The following INPP4B variants were observed in gnomAD, a reference collection of about 807,000 sequenced individuals.
INPP4B encodes inositol polyphosphate 4-phosphatase type II.
A neutral mutation model predicts 122.5 loss-of-function variants in INPP4B; 55 were observed. The observed-to-expected ratio is 0.45, with a 90% CI of 0.36 to 0.56. The LOEUF is 0.56. Among genes scored for constraint, INPP4B ranks in the 20% least tolerant of loss-of-function variants. INPP4B has a pLI of 0.00. For missense variants in INPP4B, 1,000 were observed against 1,097.7 expected (o/e 0.91, Z 1.26); for synonymous variants, 403 against 388.7 (o/e 1.04, Z -0.43).
At chr4:142,111,375 T>C (rs533669139) in intron 22 of INPP4B, among the ~76,000 whole-genome samples, 17 of 152,234 alleles carry the variant, frequency 1.1e-4, no homozygotes, top group Non-Finnish European at 2.4e-4. Context: ...AGACGGAGTT[T>C]TGCTCGTATC....
chr4:142,251,558 G>A (rs1445584838), intron 11 of INPP4B, among the ~76,000 whole-genome samples: 2 of 152,006 alleles, frequency 1.3e-5, no homozygotes, highest in African/African-American at 4.8e-5. Context: ...CCTTCAAAAC[G>A]CTATTTAGTA....
At chr4:142,124,804 G>A (rs757303486) in intron 18 of INPP4B, 44 bp from the exon 19 acceptor site, 1 of 1,366,568 alleles carries the variant, frequency 7.3e-7, no homozygotes, top group Non-Finnish European at 9.7e-7. Context: ...ATGAAGGAAG[G>A]TCTTGGAATA....
intron 24 of INPP4B, among the ~76,000 whole-genome samples, chr4:142,083,421 T>A (rs1448462989): frequency 1.3e-5 from 2 of 152,304 alleles, no homozygotes; most frequent in East Asian, 3.9e-4. Flanking sequence ...AGGGGAATCA[T>A]TCCATTCCTT....
chr4:142,055,374 A>G (rs982880801), intron 25 of INPP4B, among the ~76,000 whole-genome samples: 1 of 152,080 alleles, frequency 6.6e-6, no homozygotes, highest in Admixed American at 6.6e-5. Flanking sequence ...ATGGACTTCA[A>G]ACTTACGCAG....
At chr4:142,262,162 G>A (rs755592002) in intron 10 of INPP4B, among the ~76,000 whole-genome samples, 2 of 151,850 alleles carry the variant, frequency 1.3e-5, no homozygotes, top group Admixed American at 6.6e-5. Context: ...TTTCATCAAC[G>A]TTATATTCAT....
rs1484802683 is a variant in INPP4B, at chr4:142,145,988, C to T, written c.1572G>A (p.Val524=). 1 of 1,611,514 alleles carries T rather than the reference C, an allele frequency of 6.2e-7. No individual in the cohort carries two copies. The highest frequency in any genetic ancestry group is 2.2e-5 in the East Asian group (1 of 44,854). Residue 524 remains valine (V), a synonymous_variant, in exon 18 of 26, where the codon GTG becomes GTA. Coordinates refer to ENST00000262992, the MANE Select transcript of INPP4B (RefSeq NM_001101669.3). ...TCAGGCTCTTCCCCACATTGGCCCA[C>T]ACCCTGTCCTGAAAAAAGCATGAGT... ...SDYDEEEWDR[V]WANVGKSLNC... is the part of the protein sequence containing the mutation.
rs1318458423 is a variant in INPP4B, at chr4:142,030,440, A to T, written c.2643-1526T>A. The T allele has an allele frequency of 2.7e-5, 19 of 716,792 alleles. No individual in the cohort carries two copies. The South Asian group carries it at 3.8e-4, about 14-fold the overall frequency. The allele number at this position is 716,792 out of a possible 1,614,324, so 44.4% of individuals were successfully genotyped here. On this transcript the variant is annotated intron_variant, in intron 25 of 25. Transcript: ENST00000262992. Reference sequence around the variant, plus strand: ...ACTCTTTCAGATGAAATCTTATGGTAAATTTCCCCAAATGCATCTTGTGTA... The same window carrying T: ...ACTCTTTCAGATGAAATCTTATGGTTAATTTCCCCAAATGCATCTTGTGTA...
intron 7 of INPP4B, among the ~76,000 whole-genome samples, chr4:142,323,941 A>T (rs187348531): frequency 3.9e-5 from 6 of 152,186 alleles, no homozygotes; most frequent in African/African-American, 1.4e-4. Context: ...TCATTGGCTG[A>T]AATGTGTTTC....
chr4:142,575,693 T>C (rs1215257615), intron 2 of INPP4B, among the ~76,000 whole-genome samples: 2 of 152,070 alleles, frequency 1.3e-5, no homozygotes, highest in Non-Finnish European at 2.9e-5. Flanking sequence ...TAAATATTAC[T>C]ATTATTGGCT....
chr4:142,068,570 C>T (rs941024072), intron 25 of INPP4B, among the ~76,000 whole-genome samples: 19 of 152,240 alleles, frequency 1.2e-4, no homozygotes, highest in African/African-American at 3.9e-4. Context: ...CATCAGTGTG[C>T]TTTATTGAGG....
intron 18 of INPP4B, among the ~76,000 whole-genome samples, chr4:142,140,901 A>G (rs1022518095): frequency 3.3e-5 from 5 of 152,176 alleles, no homozygotes; most frequent in African/African-American, 4.8e-5. Flanking sequence ...AATAGTACCT[A>G]AAAGTAGGGA....
intron 23 of INPP4B, among the ~76,000 whole-genome samples, chr4:142,093,537 C>G (rs911079526): frequency 1.3e-5 from 2 of 152,190 alleles, no homozygotes; most frequent in African/African-American, 4.8e-5. Context: ...ACTGCCTACT[C>G]TGGTGAGTAC....
chr4:142,365,964 T>G (rs957511965), intron 7 of INPP4B, among the ~76,000 whole-genome samples: 5 of 152,048 alleles, frequency 3.3e-5, no homozygotes, highest in Admixed American at 1.3e-4. Flanking sequence ...CAACAATTTT[T>G]GGGGGTGGTA....
chr4:142,610,619 T>C (rs1489614826), intron 2 of INPP4B, among the ~76,000 whole-genome samples: 3 of 152,226 alleles, frequency 2.0e-5, no homozygotes, highest in Non-Finnish European at 2.9e-5. Context: ...TTTATAGCTA[T>C]ACTCCTAATT....
At chr4:142,296,139 C>T (rs1386779193) in intron 9 of INPP4B, among the ~76,000 whole-genome samples, 1 of 152,190 alleles carries the variant, frequency 6.6e-6, no homozygotes. Context: ...GAAGTGTACT[C>T]TGGTTTGTGT....
intron 21 of INPP4B, among the ~76,000 whole-genome samples, chr4:142,117,014 T>A (rs1793904918): frequency 1.3e-5 from 2 of 152,112 alleles, no homozygotes; most frequent in Non-Finnish European, 2.9e-5. Context: ...CAAACTATCA[T>A]CAGAGAATAC....
chr4:142,479,010 T>C (rs776028805), intron 2 of INPP4B, among the ~76,000 whole-genome samples: 2 of 152,070 alleles, frequency 1.3e-5, no homozygotes, highest in Non-Finnish European at 2.9e-5. Context: ...GAAAAGAAAC[T>C]ATCAACAGAG....
In INPP4B at chr4:142,248,638, G is replaced by A. The variant is rs200103619; in HGVS notation, c.689-10627C>T. ...TCTCTCTCACTCTCTGTATGTGTGT[G>A]TGTGTGTGTGTGTATGTGTGTGTGT... On this transcript the variant is annotated intron_variant, in intron 11 of 25. Transcript: ENST00000262992. Among the ~76,000 whole-genome samples, 62 of 150,012 alleles carry A rather than the reference G, an allele frequency of 4.1e-4. 1 individual carries two copies. In the East Asian group the frequency reaches 0.011, roughly 26 times the overall value.
chr4:142,030,702 C>T (rs1020525554), intron 25 of INPP4B, among the ~76,000 whole-genome samples: 45 of 152,054 alleles, frequency 3.0e-4, no homozygotes, highest in Non-Finnish European at 2.4e-4. Flanking sequence ...ATGAAATGAA[C>T]AACACAGGAT....
Sources: gnomAD v4.1 joint callset for allele counts (sites outside exome capture counted in the v4.1 genomes callset) on GRCh38, gnomAD v4.1.1 for gene constraint, MANE v1.5 for transcripts, NCBI Gene and HGNC (gene_info 2026-07-23, HGNC 2026-07-21) for gene names.